KCNK2: variants seen among roughly 807,000 people sequenced by gnomAD.
KCNK2 encodes the protein potassium two pore domain channel subfamily K member 2, also known as potassium channel subfamily K member 2.
Under a neutral mutation model 40.5 loss-of-function variants are expected in KCNK2, and 21 were observed. The ratio of observed to expected loss-of-function variants is 0.52; its 90% CI spans 0.37 to 0.75. KCNK2 has a LOEUF of 0.75. Among genes scored for constraint, KCNK2 ranks in the 30% least tolerant of loss-of-function variants. The pLI is 0.00. For missense variants in KCNK2, 399 were observed against 531.6 expected (o/e 0.75, Z 2.45); for synonymous variants, 191 against 202.2 (o/e 0.94, Z 0.47).
chr1:215,119,165 A>C (rs2102573665), intron 2 of KCNK2, among the ~76,000 whole-genome samples: 1 of 152,274 alleles, frequency 6.6e-6, no homozygotes, highest in Admixed American at 6.5e-5. Flanking sequence ...GCACACAAAA[A>C]GCTGTTCCTT....
At position 215,050,563 on chromosome 1, in the gene KCNK2, GAGAC is replaced by G. The variant is rs774363161; in HGVS notation, c.35-35801_35-35798del. ...GCATACAGAGAGAGAAATAAAAAGAGAGACAGAACCAATAAAAAAAGTTTGATGT... is the reference window on the plus strand; with the variant it reads ...GCATACAGAGAGAGAAATAAAAAGAGAGAACCAATAAAAAAAGTTTGATGT... On this transcript the variant is annotated intron_variant, in intron 1 of 6. Transcript: ENST00000391895. Among the ~76,000 whole-genome samples, 16 of 152,262 alleles carry G rather than the reference GAGAC, an allele frequency of 1.1e-4. No individual in the cohort carries two copies. The South Asian group carries it at 1.5e-3, about 14-fold the overall frequency.
intron 6 of KCNK2, among the ~76,000 whole-genome samples, chr1:215,226,663 T>A (rs1264873086): frequency 6.6e-6 from 1 of 151,996 alleles, no homozygotes; most frequent in Non-Finnish European, 1.5e-5. Context: ...TCCGTAAAGA[T>A]GATAAAGCTC....
chr1:215,234,611 TAAG>T (rs1162914880), intron 6 of KCNK2, among the ~76,000 whole-genome samples: 31 of 152,290 alleles, frequency 2.0e-4, no homozygotes, highest in Admixed American at 2.0e-3. Flanking sequence ...TCATAGAGTT[TAAG>T]TTCATAGATT....
chr1:215,140,631 G>T (rs1391660170), intron 3 of KCNK2, among the ~76,000 whole-genome samples: 2 of 152,060 alleles, frequency 1.3e-5, no homozygotes, highest in South Asian at 2.1e-4. Flanking sequence ...TGGTATAAAA[G>T]ATTTTTTAAA....
intron 1 of KCNK2, among the ~76,000 whole-genome samples, chr1:215,085,353 C>T (rs948866924): frequency 2.0e-5 from 3 of 152,046 alleles, no homozygotes; most frequent in African/African-American, 7.3e-5. Context: ...CACAAAATGT[C>T]CTGTAGTAGG....
intron 2 of KCNK2, among the ~76,000 whole-genome samples, chr1:215,103,124 G>T (rs1276397244): frequency 6.6e-6 from 1 of 151,922 alleles, no homozygotes; most frequent in East Asian, 1.9e-4. Flanking sequence ...TTTTCAGAAA[G>T]AGATGCTTAG....
chr1:215,139,724 A>G (rs890193827), intron 3 of KCNK2, among the ~76,000 whole-genome samples: 2 of 151,886 alleles, frequency 1.3e-5, no homozygotes, highest in Admixed American at 1.3e-4. Context: ...TGGAGGTTCA[A>G]AAAAAAAGTA....
chr1:215,053,670 A>G (rs1378221425), intron 1 of KCNK2, among the ~76,000 whole-genome samples: 1 of 152,246 alleles, frequency 6.6e-6, no homozygotes, highest in Non-Finnish European at 1.5e-5. Flanking sequence ...TTGTGTTTCT[A>G]GCTTACAAAG....
intron 1 of KCNK2, among the ~76,000 whole-genome samples, chr1:215,039,152 T>C (rs1200023779): frequency 6.6e-6 from 1 of 152,080 alleles, no homozygotes; most frequent in Non-Finnish European, 1.5e-5. Flanking sequence ...AAAATCAAAT[T>C]TGGAGTCAAT....
Position 215,115,751 on chromosome 1 carries a change from T to C in KCNK2, c.358-8882T>C, listed in dbSNP as rs189132263. 6.4e-4 allele frequency among the ~76,000 whole-genome samples: 97 copies of C among 151,748 alleles called. 1 individual carries two copies. The highest frequency in any genetic ancestry group is 2.3e-3 in the African/African-American group (94 of 41,372). On this transcript the variant is annotated intron_variant, in intron 2 of 6. Coordinates refer to ENST00000444842, the MANE Select transcript of KCNK2 (RefSeq NM_001017425.3). The stretch of plus-strand genomic sequence containing the variant: ...CTTTTTTTTTTAAAAAAATTAATCT[T>C]TTTCTTCCACTCATGCTGAGATGGG...
Position 215,210,827 on chromosome 1 carries a change from T to C in KCNK2, c.963+15735T>C, listed in dbSNP as rs111476321. On this transcript the variant is annotated intron_variant, in intron 6 of 6. Transcript: ENST00000444842. ...ATTTAACTGGGTGAACTGGAGAAAA[T>C]TGCATAAAGAAGGTACTACCCCGAC... Among the ~76,000 whole-genome samples the C allele has an allele frequency of 2.3e-4, 34 of 148,598 alleles. 1 individual carries two copies. The highest frequency in any genetic ancestry group is 5.0e-5 in the African/African-American group (2 of 40,386).
intron 3 of KCNK2, among the ~76,000 whole-genome samples, chr1:215,156,424 C>T (rs940335035): frequency 2.6e-5 from 4 of 152,108 alleles, no homozygotes; most frequent in African/African-American, 9.7e-5. Context: ...ATCTAAATTC[C>T]AGAGGCCTTG....
At chr1:215,084,182 GCACACACA>G (rs71945726) in intron 1 of KCNK2, among the ~76,000 whole-genome samples, 1,975 of 141,948 alleles carry the variant, frequency 0.014, 60 homozygotes, top group East Asian at 0.081. Flanking sequence ...TTAGGTTAAT[GCACACACA>G]CACACACACA....
chr1:215,151,797 A>G (rs1662695215), intron 3 of KCNK2, among the ~76,000 whole-genome samples: 1 of 151,836 alleles, frequency 6.6e-6, no homozygotes, highest in Admixed American at 6.6e-5. Context: ...TGTGATGGTT[A>G]TTTCTGGGAG....
chr1:215,038,178 A>G (rs1466671256), intron 1 of KCNK2, among the ~76,000 whole-genome samples: 1 of 152,014 alleles, frequency 6.6e-6, no homozygotes, highest in Non-Finnish European at 1.5e-5. Context: ...TCTCATTAGG[A>G]ACATTGTAGA....
chr1:215,114,542 T>G (rs1226342170), intron 2 of KCNK2, among the ~76,000 whole-genome samples: 4 of 152,072 alleles, frequency 2.6e-5, no homozygotes, highest in African/African-American at 9.7e-5. Flanking sequence ...GGTGAGTGTA[T>G]GGGTGTGTAA....
At chr1:215,096,908 C>G (rs1660000080) in intron 2 of KCNK2, among the ~76,000 whole-genome samples, 1 of 151,740 alleles carries the variant, frequency 6.6e-6, no homozygotes, top group African/African-American at 2.4e-5. Context: ...TCTCTCGACC[C>G]TTCTAATTTT....
At chr1:215,155,109 A>G (rs1443741201) in intron 3 of KCNK2, among the ~76,000 whole-genome samples, 2 of 152,130 alleles carry the variant, frequency 1.3e-5, no homozygotes, top group Admixed American at 1.3e-4. Context: ...ATCTGATAAT[A>G]TTTAGTGTAT....
At chr1:215,187,479 C>T (rs990136913) in intron 5 of KCNK2, among the ~76,000 whole-genome samples, 25 of 151,928 alleles carry the variant, frequency 1.6e-4, no homozygotes, top group African/African-American at 5.8e-4. Flanking sequence ...ATTAATTATA[C>T]GGTAATGTAT....
Sources: allele counts gnomAD v4.1 joint callset (sites outside exome capture counted in the v4.1 genomes callset), GRCh38; gene constraint gnomAD v4.1.1; transcripts MANE v1.5; gene names NCBI Gene and HGNC (gene_info 2026-07-23, HGNC 2026-07-21).